AKAP8: variants seen among roughly 807,000 people sequenced by gnomAD.
AKAP8 encodes the protein A-kinase anchor protein 8.
A neutral mutation model predicts 67.5 loss-of-function variants in AKAP8; 24 were observed. That is an observed-to-expected ratio of 0.36 (90% CI 0.26 to 0.50). AKAP8 has a LOEUF of 0.50. Ranked by LOEUF, AKAP8 falls within the 20% of genes least tolerant of loss-of-function variation. The pLI is 0.97. For synonymous variants in AKAP8, 400 were observed against 371.1 expected (o/e 1.08, Z -0.90); for missense variants, 971 against 955.9 (o/e 1.02, Z -0.21).
At chr19:15,359,150 G>C (rs1226178002) in intron 12 of AKAP8, 88 bp from the exon 13 acceptor site, 1 of 1,223,142 alleles carries the variant, frequency 8.2e-7, no homozygotes, top group African/African-American at 1.5e-5. Context: ...GTCATCCTGA[G>C]ATCAGCCCTA....
rs142229471 is a variant in AKAP8, at chr19:15,373,213, C to A, written c.499G>T (p.Gly167Trp). ...DLGSDRNGSF[G>W]GQYSECRDPA... Reference sequence around the variant, plus strand: ...TCTCGGCATTCACTGTACTGCCCCCCAAAGCTGCCATTGCGGTCGGACCCC... The same window carrying A: ...TCTCGGCATTCACTGTACTGCCCCCAAAAGCTGCCATTGCGGTCGGACCCC... The change falls in exon 5 of 14, where the codon GGG becomes TGG. Residue 167 changes from glycine (G) to tryptophan (W), a missense_variant. Physicochemically the swap from Gly to Trp is radical, Grantham distance 184 (BLOSUM62 -2). This residue lies in a region of AKAP8 where 763 missense variants were observed against 745.4 expected (regional missense o/e 1.02). Coordinates refer to ENST00000269701, the MANE Select transcript of AKAP8 (RefSeq NM_005858.4). 8.7e-6 allele frequency: 14 copies of A among 1,613,904 alleles called. No homozygotes were observed. Among genetic ancestry groups the A allele is most frequent in the Admixed American group, 8.3e-5 (5 of 60,022 alleles).
Position 15,361,711 on chromosome 19 carries a change from C to T in AKAP8, c.1396+18G>A, listed in dbSNP as rs371895230. On this transcript the variant is annotated intron_variant, in intron 11 of 13. Coordinates refer to ENST00000269701, the MANE Select transcript of AKAP8 (RefSeq NM_005858.4). ...TACTACCATCCAGGAAAGCACTCAT[C>T]CTGGGATGACAACTCACCTTTGAAA... 6.2e-6 allele frequency: 10 copies of T among 1,600,710 alleles called. No homozygotes were observed. Among genetic ancestry groups the T allele is most frequent in the Middle Eastern group, 1.6e-4 (1 of 6,062 alleles).
Position 15,374,585 on chromosome 19 carries a change from C to A in AKAP8, c.91+18G>T. 2 of 1,612,816 alleles carry A rather than the reference C, an allele frequency of 1.2e-6. No individual in the cohort carries two copies. The highest frequency in any genetic ancestry group is 1.7e-6 in the Non-Finnish European group (2 of 1,179,334). On this transcript the variant is annotated intron_variant, in intron 3 of 13. Coordinates refer to ENST00000269701, the MANE Select transcript of AKAP8 (RefSeq NM_005858.4). ...GCCCACTTGCCCGCCCACAGACCCC[C>A]CCCACAGAAGGGCTTACCTTGCCAG...
intron 9 of AKAP8, among the ~76,000 whole-genome samples, chr19:15,364,037 A>G (rs1967025331): frequency 7.0e-6 from 1 of 142,348 alleles, no homozygotes; most frequent in Admixed American, 7.3e-5. Flanking sequence ...TCTGCGAGAA[A>G]CACCCAAGAA....
At chr19:15,356,530 GGGGCTGGA>G (rs1300385703) in intron 13 of AKAP8, among the ~76,000 whole-genome samples, 1 of 150,886 alleles carries the variant, frequency 6.6e-6, no homozygotes, top group Admixed American at 6.6e-5. Flanking sequence ...TTGGGAGGCT[GGGGCTGGA>G]GGACTGCCGG....
rs762609413 is a variant in AKAP8, at chr19:15,373,249, C to T, written c.463G>A (p.Glu155Lys). The change falls in exon 5 of 14, where the codon GAG becomes AAG. Residue 155 changes from glutamate (E) to lysine (K), a missense_variant. By Grantham distance (56) the Glu-to-Lys change is moderately conservative. Coordinates refer to ENST00000269701, the MANE Select transcript of AKAP8 (RefSeq NM_005858.4). ...PYRPSYSYDY[E>K]FDLGSDRNGS... ...TTGCGGTCGGACCCCAGGTCGAACTCATAGTCGTAGCTGTAGCTGGGGCGG... is the reference window on the plus strand; with the variant it reads ...TTGCGGTCGGACCCCAGGTCGAACTTATAGTCGTAGCTGTAGCTGGGGCGG... 1.7e-5 allele frequency: 27 copies of T among 1,613,902 alleles called. No individual in the cohort carries two copies. The highest frequency in any genetic ancestry group is 2.7e-5 in the African/African-American group (2 of 74,936).
At chr19:15,373,737 A>C (rs761378246) in intron 4 of AKAP8, 49 bp downstream of exon 4, 2 of 1,559,190 alleles carry the variant, frequency 1.3e-6, no homozygotes, top group African/African-American at 2.7e-5. Context: ...CATGCGCACA[A>C]AGGTGGGGAT....
At position 15,369,498 on chromosome 19, in the gene AKAP8, C is replaced by T. The variant is rs551926875; in HGVS notation, c.1072+648G>A. 2.6e-5 allele frequency among the ~76,000 whole-genome samples: 4 copies of T among 152,212 alleles called. No homozygotes were observed. On this transcript the variant is annotated intron_variant, in intron 8 of 13. Transcript: ENST00000269701. This position sits in a 1 kb window ranked among gnomAD's most constrained non-coding sequence, Gnocchi z 4.6. ...AGTGGCTTCAGGGTGAGCTCCAGGC[C>T]GCGGCACCTCAGGCCGCTCTGCCAT... is the stretch of plus-strand genomic sequence containing the variant.
rs560044930 is a variant in AKAP8 at position 15,368,767 on chromosome 19, G to A, written c.1073-445C>T. 55 of 985,372 alleles carry A rather than the reference G, an allele frequency of 5.6e-5. No homozygotes were observed. The South Asian group carries it at 2.0e-3, about 35-fold the overall frequency. The allele number at this position is 985,372 out of a possible 1,614,324, so 61.0% of individuals were successfully genotyped here. On this transcript the variant is annotated intron_variant, in intron 8 of 13. Coordinates refer to ENST00000269701, the MANE Select transcript of AKAP8 (RefSeq NM_005858.4). ...TCCGCCGCCCTCTATCCCACCTCTA[G>A]GTGGACTGTGACGAGCGTCCTGGCG... is the stretch of plus-strand genomic sequence containing the variant.
intron 2 of AKAP8, 27 bp from the exon 3 acceptor site, chr19:15,374,662 G>C (rs1224943865): frequency 2.5e-6 from 4 of 1,612,694 alleles, no homozygotes. Flanking sequence ...ACACACAAGA[G>C]CCCTGTTTGC....
At chr19:15,355,558 G>C (rs2048272800) in intron 13 of AKAP8, among the ~76,000 whole-genome samples, 188 bp from the exon 14 acceptor site, 2 of 105,384 alleles carry the variant, frequency 1.9e-5, no homozygotes, top group South Asian at 6.7e-4. Context: ...GAGATATTCT[G>C]CAATTTTTTT....
chr19:15,374,555 C>T (rs1967219231), intron 3 of AKAP8, 48 bp downstream of exon 3: 1 of 1,601,952 alleles, frequency 6.2e-7, no homozygotes, highest in African/African-American at 1.3e-5. Context: ...GCCTTCAGAT[C>T]AGAGGCCCAC....
Position 15,355,054 on chromosome 19 carries a change from G to A in AKAP8, c.1940C>T (p.Ala647Val), listed in dbSNP as rs1599553265. 6.2e-7 allele frequency: 1 copy of A among 1,614,078 alleles called. No individual in the cohort carries two copies. The highest frequency in any genetic ancestry group is 8.5e-7 in the Non-Finnish European group (1 of 1,180,050). The change falls in exon 14 of 14, where the codon GCA becomes GTA. Residue 647 changes from alanine to valine, a missense_variant. By Grantham distance (64) the Ala-to-Val change is moderately conservative. This residue lies in a region of AKAP8 where 204 missense variants were observed against 193.0 expected (regional missense o/e 1.06). Coordinates refer to ENST00000269701, the MANE Select transcript of AKAP8 (RefSeq NM_005858.4). Reference sequence around the variant, plus strand: ...TGTCTCGGCGCCATTTCCAGCCTCTGCAGCCTCACTTCTGGCCTTGGGGAC... The same window carrying A: ...TGTCTCGGCGCCATTTCCAGCCTCTACAGCCTCACTTCTGGCCTTGGGGAC... ...KGVPKARSEA[A>V]EAGNGAETMA...
At chr19:15,366,620 T>G (rs1280420067) in intron 9 of AKAP8, among the ~76,000 whole-genome samples, 1 of 151,788 alleles carries the variant, frequency 6.6e-6, no homozygotes, top group East Asian at 1.9e-4. Context: ...AGATGGAGTT[T>G]TTATTTGAGA....
Position 15,368,239 on chromosome 19 carries a change from C to T in AKAP8, c.1156G>A (p.Asp386Asn), listed in dbSNP as rs1355924852. 7 of 1,611,808 alleles carry T rather than the reference C, an allele frequency of 4.3e-6. No individual in the cohort carries two copies. Among genetic ancestry groups the T allele is most frequent in the African/African-American group, 2.7e-5 (2 of 74,922 alleles). ...GGTCGTGTGCCCGCGCCTCACCTGT[C>T]GGCTGCACGGTCCCGCGTCCTGTCT... ...RRDRTRDRAA[D>N]RIQFACSVCK... The change falls in exon 9 of 14, where the codon GAC becomes AAC. Residue 386 changes from aspartate to asparagine, a missense_variant. Coordinates refer to ENST00000269701, the MANE Select transcript of AKAP8 (RefSeq NM_005858.4).
At chr19:15,370,569 C>T (rs1474939199) in intron 7 of AKAP8, among the ~76,000 whole-genome samples, 3 of 148,608 alleles carry the variant, frequency 2.0e-5, no homozygotes, top group Admixed American at 1.3e-4. Flanking sequence ...TGGCATTCTT[C>T]ATAGAAAATG....
intron 9 of AKAP8, among the ~76,000 whole-genome samples, chr19:15,362,678 G>A (rs1330072771): frequency 6.6e-6 from 1 of 151,708 alleles, no homozygotes; most frequent in Admixed American, 6.6e-5. Flanking sequence ...TGCCCAGGCT[G>A]GAGTGCAGTG....
intron 13 of AKAP8, among the ~76,000 whole-genome samples, chr19:15,356,048 T>A (rs567335210): frequency 6.6e-6 from 1 of 152,128 alleles, no homozygotes; most frequent in South Asian, 2.1e-4. Context: ...CAATTTTTAA[T>A]CAAGCATGTA....
intron 9 of AKAP8, among the ~76,000 whole-genome samples, chr19:15,367,034 A>G (rs1261862949): frequency 2.6e-5 from 4 of 152,122 alleles, no homozygotes; most frequent in Admixed American, 2.6e-4. Context: ...CAGCCTCCCG[A>G]GTAGCTGAGA....
Sources: gnomAD v4.1 joint callset for allele counts (sites outside exome capture counted in the v4.1 genomes callset) on GRCh38, gnomAD v4.1.1 for gene constraint, gnomAD v4.1.1 regional missense constraint, Gnocchi (gnomAD v3.1) non-coding constraint, MANE v1.5 for transcripts, NCBI Gene and HGNC (gene_info 2026-07-23, HGNC 2026-07-21) for gene names.